RORA: variants seen among roughly 807,000 people sequenced by gnomAD.
RORA encodes nuclear receptor ROR-alpha.
Under a neutral mutation model 69.5 loss-of-function variants are expected in RORA, and 7 were observed. The ratio of observed to expected loss-of-function variants is 0.10; its 90% CI spans 0.06 to 0.19. The LOEUF (loss-of-function observed/expected upper bound fraction) is 0.19. Ranked by LOEUF, RORA falls within the 10% of genes least tolerant of loss-of-function variation. RORA has a pLI of 1.00. For synonymous variants in RORA, 261 were observed against 240.8 expected (o/e 1.08, Z -0.78); for missense variants, 457 against 663.0 (o/e 0.69, Z 3.41).
chr15:61,031,601 C>T (rs752555413), intron 1 of RORA, among the ~76,000 whole-genome samples: 35 of 152,160 alleles, frequency 2.3e-4, no homozygotes, highest in Non-Finnish European at 4.1e-4. Context: ...AGGGTTACAA[C>T]TATATCTACT....
intron 2 of RORA, among the ~76,000 whole-genome samples, chr15:60,617,659 CAGAGAGAGAG>C (rs10594406): frequency 9.8e-4 from 139 of 141,552 alleles, no homozygotes; most frequent in Admixed American, 3.2e-3. Flanking sequence ...CACATACAGA[CAGAGAGAGAG>C]AGAGAGAGAG....
intron 1 of RORA, among the ~76,000 whole-genome samples, chr15:60,967,121 C>T (rs1204938663): frequency 6.6e-6 from 1 of 152,140 alleles, no homozygotes; most frequent in Admixed American, 6.6e-5. Context: ...TTAAGAGTTC[C>T]TCAAGACACA....
chr15:61,168,065 G>A (rs2079552805), intron 1 of RORA, among the ~76,000 whole-genome samples: 1 of 151,776 alleles, frequency 6.6e-6, no homozygotes, highest in South Asian at 2.1e-4. Context: ...TAGTATTTAG[G>A]AATATGCTGA....
chr15:60,736,229 G>C (rs993072734), intron 1 of RORA, among the ~76,000 whole-genome samples: 1 of 152,142 alleles, frequency 6.6e-6, no homozygotes, highest in African/African-American at 2.4e-5. Context: ...AGTGTTTTCT[G>C]GTTGGGCTAT....
intron 2 of RORA, among the ~76,000 whole-genome samples, chr15:60,536,793 A>G (rs561279828): frequency 4.6e-5 from 7 of 152,232 alleles, no homozygotes; most frequent in Admixed American, 3.3e-4. Flanking sequence ...ATGTCAACCA[A>G]TTTTGTGTGT....
intron 1 of RORA, among the ~76,000 whole-genome samples, chr15:61,023,524 G>T (rs560213104): frequency 1.3e-5 from 2 of 152,298 alleles, no homozygotes; most frequent in African/African-American, 2.4e-5. Context: ...TGAGAATTAT[G>T]GGAGTACAGT....
intron 2 of RORA, among the ~76,000 whole-genome samples, chr15:60,533,736 C>T (rs901725167): frequency 6.6e-6 from 1 of 152,296 alleles, no homozygotes; most frequent in East Asian, 1.9e-4. Flanking sequence ...AGCCTCCTTA[C>T]CCTGATTCCT....
intron 1 of RORA, among the ~76,000 whole-genome samples, chr15:61,030,635 G>C (rs538714883): frequency 6.6e-6 from 1 of 152,242 alleles, no homozygotes. Flanking sequence ...CAGAGAATTA[G>C]AAGATTGCCA....
chr15:61,191,333 G>A (rs1015235447), intron 1 of RORA, among the ~76,000 whole-genome samples: 2 of 148,824 alleles, frequency 1.3e-5, no homozygotes, highest in Admixed American at 1.3e-4. Flanking sequence ...TTTTTTAAAG[G>A]AAAGCACACC....
chr15:60,630,404 T>C (rs1304938203), intron 2 of RORA: 1 of 152,188 alleles, frequency 6.6e-6, no homozygotes, highest in Non-Finnish European at 1.5e-5. Context: ...GTATAAATAA[T>C]CACGATGGCT....
At chr15:61,038,710 C>T (rs1896587904) in intron 1 of RORA, 1 of 152,188 alleles carries the variant, frequency 6.6e-6, no homozygotes. Flanking sequence ...ACTGTGGTAG[C>T]GGAAGATTCT....
chr15:60,775,754 G>A (rs929731488), intron 1 of RORA, among the ~76,000 whole-genome samples: 5 of 152,188 alleles, frequency 3.3e-5, no homozygotes, highest in Non-Finnish European at 7.4e-5. Context: ...ATTCACGGAG[G>A]GCTTAATTTA....
intron 1 of RORA, among the ~76,000 whole-genome samples, chr15:61,007,412 C>T (rs1330851427): frequency 2.0e-5 from 3 of 151,970 alleles, no homozygotes; most frequent in Admixed American, 2.0e-4. Flanking sequence ...GGTAAAAAAA[C>T]TAATTGGAAA....
intron 1 of RORA, among the ~76,000 whole-genome samples, chr15:60,756,418 G>A (rs2071802369): frequency 6.6e-6 from 1 of 152,174 alleles, no homozygotes; most frequent in African/African-American, 2.4e-5. Flanking sequence ...GAATTCTGAA[G>A]TAAAATTTGA....
intron 2 of RORA, among the ~76,000 whole-genome samples, chr15:60,647,313 G>A (rs1487351038): frequency 6.6e-6 from 1 of 152,214 alleles, no homozygotes; most frequent in Non-Finnish European, 1.5e-5. Context: ...GTTTGTGAGT[G>A]ACCCCATGGG....
At chr15:60,515,940 TA>T (rs2141345452) in intron 3 of RORA, among the ~76,000 whole-genome samples, 1 of 16,672 alleles carries the variant, frequency 6.0e-5, no homozygotes, top group Non-Finnish European at 9.4e-5. Flanking sequence ...TATATATATT[TA>T]TATATATTTA....
intron 1 of RORA, among the ~76,000 whole-genome samples, chr15:60,997,514 A>G (rs1894593745): frequency 6.6e-6 from 1 of 152,198 alleles, no homozygotes; most frequent in African/African-American, 2.4e-5. Flanking sequence ...TAATATTTTT[A>G]TTAATATTAA....
chr15:60,921,450 T>C (rs1207631314), intron 1 of RORA, among the ~76,000 whole-genome samples: 2 of 152,206 alleles, frequency 1.3e-5, no homozygotes, highest in African/African-American at 4.8e-5. Flanking sequence ...CATGATTCAA[T>C]TTAAATGAGG....
intron 1 of RORA, among the ~76,000 whole-genome samples, chr15:60,798,945 T>C (rs1047959987): frequency 7.9e-5 from 12 of 151,830 alleles, no homozygotes; most frequent in Non-Finnish European, 1.8e-4. Context: ...CTTTTTTTTT[T>C]TTTTTTAAAC....
Sources: gnomAD v4.1 joint callset for allele counts (sites outside exome capture counted in the v4.1 genomes callset) on GRCh38, gnomAD v4.1.1 for gene constraint, MANE v1.5 for transcripts, NCBI Gene and HGNC (gene_info 2026-07-23, HGNC 2026-07-21) for gene names.